Variants in ZNF14 observed in about 807,000 individuals in gnomAD.
The protein encoded by ZNF14 is gonadotropin inducible transcription repressor-4.
Under a neutral mutation model 11.3 loss-of-function variants are expected in ZNF14, and 9 were observed. That is an observed-to-expected ratio of 0.80 (90% CI 0.48 to 1.39). ZNF14 has a LOEUF of 1.39. ZNF14 is among the 40% of genes most tolerant of loss of function. The pLI is 0.00. For missense variants in ZNF14, 711 were observed against 763.9 expected (o/e 0.93, Z 0.82); for synonymous variants, 239 against 245.7 (o/e 0.97, Z 0.25).
chr19:19,716,812 A>T (rs565417760), intron 1 of ZNF14, among the ~76,000 whole-genome samples: 36 of 152,300 alleles, frequency 2.4e-4, no homozygotes, highest in Non-Finnish European at 4.0e-4. Context: ...AGGAAAAGTA[A>T]CAGTTTTGTA....
At chr19:19,724,678 G>C (rs2062401967) in intron 1 of ZNF14, among the ~76,000 whole-genome samples, 1 of 132,900 alleles carries the variant, frequency 7.5e-6, no homozygotes, top group African/African-American at 2.8e-5. Flanking sequence ...GTTGACAGTG[G>C]GGTGTTAAAG....
rs893276089 is a variant in ZNF14 at position 19,726,345 on chromosome 19, G to A, written c.3+6611C>T. On this transcript the variant is annotated intron_variant, in intron 1 of 3. Transcript: ENST00000344099. ...GCTGCAGGTTGGTTGGAGTTTGCTGGAGGTCCACTCCAGACCATTTGCCTG... is the reference window on the plus strand; with the variant it reads ...GCTGCAGGTTGGTTGGAGTTTGCTGAAGGTCCACTCCAGACCATTTGCCTG... Among the ~76,000 whole-genome samples the A allele has an allele frequency of 4.5e-5, 6 of 134,306 alleles. 2 individuals carry two copies. Among genetic ancestry groups the A allele is most frequent in the African/African-American group, 1.7e-4 (6 of 36,314 alleles). The allele number at this position is 134,306 out of a possible 152,430, so 88.1% of individuals were successfully genotyped here.
In ZNF14 at chr19:19,712,397, C is replaced by G; in HGVS notation, c.884G>C (p.Arg295Pro). The change falls in exon 4 of 4, where the codon CGA becomes CCA. Residue 295 changes from arginine to proline, a missense_variant. Transcript: ENST00000344099. ...TCCACTATGAGTCCTTTTATGCCTT[C>G]GAAAAGAACTGAGAAAACTGAAGGC... ...GKAFSFLSSF[R>P]RHKRTHSGEK... 1.2e-6 allele frequency: 2 copies of G among 1,609,168 alleles called. No homozygotes were observed. Among genetic ancestry groups the G allele is most frequent in the Non-Finnish European group, 1.7e-6 (2 of 1,178,698 alleles).
At position 19,721,978 on chromosome 19, in the gene ZNF14, AAAG is replaced by A. The variant is rs1176826028; in HGVS notation, c.4-7494_4-7492del. The stretch of plus-strand genomic sequence containing the variant: ...ACTCAGTCTCAAAAAAAAAAAAAAA[AAAG>A]AACAACCTGGCTACAAATTTGTGTA... On this transcript the variant is annotated intron_variant, in intron 1 of 3. Coordinates refer to ENST00000344099, the MANE Select transcript of ZNF14 (RefSeq NM_021030.3). 2.1e-4 allele frequency among the ~76,000 whole-genome samples: 32 copies of A among 151,916 alleles called. No homozygotes were observed. In the South Asian group the frequency reaches 6.7e-3, roughly 32 times the overall value.
In ZNF14 at chr19:19,710,755, T is replaced by G. The variant is rs1365720681; in HGVS notation, c.*597A>C. The stretch of plus-strand genomic sequence containing the variant: ...CATATATTCACACTCTAGAGGACAG[T>G]TGGAAGATTTTCCCACTTTTATTTT... On this transcript the variant is annotated 3_prime_UTR_variant, in exon 4 of 4. Transcript: ENST00000344099. 6.5e-6 allele frequency: 1 copy of G among 152,970 alleles called. No homozygotes were observed. The highest frequency in any genetic ancestry group is 1.9e-4 in the East Asian group (1 of 5,200). 9.5% of individuals were successfully genotyped at this position (152,970 alleles called of 1,614,324 possible).
rs899355126 is a variant in ZNF14, at chr19:19,712,139, T to G, written c.1142A>C (p.His381Pro). ...SFSWSISLRLHERTHTGEKPY... is the reference protein window; with the variant it reads ...SFSWSISLRLPERTHTGEKPY... ...TTTCTCTCCAGTATGAGTTCTTTCATGCAATCGAAGAGAAATGGACCAACT... is the reference window on the plus strand; with the variant it reads ...TTTCTCTCCAGTATGAGTTCTTTCAGGCAATCGAAGAGAAATGGACCAACT... Residue 381 changes from histidine to proline, a missense_variant, in exon 4 of 4, where the codon CAT becomes CCT. Physicochemically the swap from His to Pro is moderately conservative, Grantham distance 77. Coordinates refer to ENST00000344099, the MANE Select transcript of ZNF14 (RefSeq NM_021030.3). The G allele has an allele frequency of 6.2e-7, 1 of 1,614,050 alleles. No individual in the cohort carries two copies. The highest frequency in any genetic ancestry group is 8.5e-7 in the Non-Finnish European group (1 of 1,180,014).
In ZNF14 at chr19:19,713,038, T is replaced by C. The variant is rs2062366995; in HGVS notation, c.243A>G (p.Gly81=). The change falls in exon 4 of 4, where the codon GGA becomes GGG. Residue 81 remains glycine, a synonymous_variant. Coordinates refer to ENST00000344099, the MANE Select transcript of ZNF14 (RefSeq NM_021030.3). ...LCESRRGSKC[G]ETTSQMPNVN... is the part of the protein sequence containing the mutation. The stretch of plus-strand genomic sequence containing the variant: ...CATTTGGCATCTGGCTAGTGGTTTC[T>C]CCACATTTGCTACCTCTTCTACTTT... The C allele has an allele frequency of 1.2e-6, 2 of 1,612,308 alleles. No homozygotes were observed. The highest frequency in any genetic ancestry group is 1.7e-6 in the Non-Finnish European group (2 of 1,179,116).
chr19:19,730,971 A>G (rs1485765119), intron 1 of ZNF14, among the ~76,000 whole-genome samples: 3 of 152,158 alleles, frequency 2.0e-5, no homozygotes, highest in Non-Finnish European at 2.9e-5. Flanking sequence ...ATTATTTACA[A>G]AACACTGGCA....
intron 1 of ZNF14, among the ~76,000 whole-genome samples, chr19:19,715,940 G>GTGTAAA (rs1208853285): frequency 3.3e-5 from 5 of 152,310 alleles, no homozygotes; most frequent in African/African-American, 1.2e-4. Context: ...CACAGGCTCA[G>GTGTAAA]TTCTTCCTTT....
intron 1 of ZNF14, 103 bp from the exon 2 acceptor site, chr19:19,714,590 A>G (rs2062372303): frequency 7.2e-7 from 1 of 1,391,096 alleles, no homozygotes; most frequent in African/African-American, 1.4e-5. Flanking sequence ...GTGTTCTCCA[A>G]ACATTTGGTG....
intron 1 of ZNF14, among the ~76,000 whole-genome samples, chr19:19,726,409 A>G (rs1220384771): frequency 7.4e-6 from 1 of 134,250 alleles, no homozygotes; most frequent in Admixed American, 7.3e-5. Context: ...CAAATATTGC[A>G]GAACGGCAAA....
chr19:19,718,365 C>T (rs2062383300), intron 1 of ZNF14, among the ~76,000 whole-genome samples: 1 of 152,138 alleles, frequency 6.6e-6, no homozygotes, highest in African/African-American at 2.4e-5. Context: ...AAATGAAGAA[C>T]AGCCTTACAG....
chr19:19,722,949 T>TCCTGACCTTCAA (rs1307555679), intron 1 of ZNF14, among the ~76,000 whole-genome samples: 2 of 152,236 alleles, frequency 1.3e-5, no homozygotes, highest in African/African-American at 4.8e-5. Context: ...ATCCTGAGAC[T>TCCTGACCTTCAA]TTGCTGAAGT....
At chr19:19,726,111 C>T (rs555289522) in intron 1 of ZNF14, among the ~76,000 whole-genome samples, 1 of 135,222 alleles carries the variant, frequency 7.4e-6, no homozygotes, top group Non-Finnish European at 1.7e-5. Flanking sequence ...CTCCGTCCAG[C>T]TTTGTTCCAT....
At chr19:19,714,207 T>A (rs2062371036) in intron 2 of ZNF14, 56 bp from the exon 3 acceptor site, 1 of 1,595,510 alleles carries the variant, frequency 6.3e-7, no homozygotes, top group South Asian at 1.1e-5. Context: ...TAGAAAATTG[T>A]TACAGTCTAG....
chr19:19,731,230 GGGTACCCAAACTAGATAT>G (rs2062422297), intron 1 of ZNF14, among the ~76,000 whole-genome samples: 1 of 152,046 alleles, frequency 6.6e-6, no homozygotes, highest in Admixed American at 6.6e-5. Context: ...TTTCAGGATA[GGGTACCCAAACTAGATAT>G]GGTACCCAAA....
At chr19:19,731,515 G>A (rs2145108578) in intron 1 of ZNF14, among the ~76,000 whole-genome samples, 1 of 152,226 alleles carries the variant, frequency 6.6e-6, no homozygotes, top group South Asian at 2.1e-4. Context: ...GGCAGAGGTT[G>A]CAGTGAGCTG....
chr19:19,717,895 CTTTA>C (rs2062382109), intron 1 of ZNF14, among the ~76,000 whole-genome samples: 1 of 152,092 alleles, frequency 6.6e-6, no homozygotes, highest in South Asian at 2.1e-4. Flanking sequence ...ATGTTTCAGA[CTTTA>C]TTTAACAAGT....
At chr19:19,713,333 C>A (rs969787318) in intron 3 of ZNF14, among the ~76,000 whole-genome samples, 1 of 152,208 alleles carries the variant, frequency 6.6e-6, no homozygotes, top group Admixed American at 6.5e-5. Flanking sequence ...CTCACCCAGG[C>A]TGGAGTACAG....
Sources: allele counts gnomAD v4.1 joint callset (sites outside exome capture counted in the v4.1 genomes callset), GRCh38; gene constraint gnomAD v4.1.1; transcripts MANE v1.5; gene names NCBI Gene and HGNC (gene_info 2026-07-23, HGNC 2026-07-21).